MACROD2: variants seen among roughly 807,000 people sequenced by gnomAD.
MACROD2 encodes the protein mono-ADP ribosylhydrolase 2.
A neutral mutation model predicts 70.4 loss-of-function variants in MACROD2; 36 were observed. The ratio of observed to expected loss-of-function variants is 0.51; its 90% confidence interval spans 0.39 to 0.68. The LOEUF (loss-of-function observed/expected upper bound fraction) is 0.68. Among genes scored for constraint, MACROD2 ranks in the 30% least tolerant of loss-of-function variants. MACROD2 has a pLI of 0.00. For missense variants in MACROD2, 496 were observed against 538.4 expected, an observed-to-expected ratio of 0.92 and a Z score of 0.78; for synonymous variants, 172 against 178.8, an observed-to-expected ratio of 0.96 and a Z score of 0.30.
intron 7 of MACROD2, among the ~76,000 whole-genome samples, chr20:15,445,786 A>C (rs1288500958): frequency 1.3e-5 from 2 of 152,126 alleles, no homozygotes; most frequent in Admixed American, 1.3e-4. Context: ...GCTGGGAAAA[A>C]TGAGACCCAG....
chr20:14,021,745 T>C (rs569359103), intron 2 of MACROD2, among the ~76,000 whole-genome samples: 1 of 152,236 alleles, frequency 6.6e-6, no homozygotes, highest in Non-Finnish European at 1.5e-5. Context: ...CAATAAAGTT[T>C]ATTTCTAGTT....
At chr20:14,794,918 G>A (rs1307367913) in intron 5 of MACROD2, among the ~76,000 whole-genome samples, 2 of 152,176 alleles carry the variant, frequency 1.3e-5, no homozygotes, top group African/African-American at 4.8e-5. Context: ...TGTATAAGTA[G>A]CCATGAAAGT....
intron 2 of MACROD2, among the ~76,000 whole-genome samples, chr20:14,009,258 T>C (rs1244631695): frequency 6.6e-6 from 1 of 152,102 alleles, no homozygotes; most frequent in Non-Finnish European, 1.5e-5. Flanking sequence ...AACTTAAATT[T>C]ACAAGAAAAA....
In MACROD2 at chr20:14,729,343, A is replaced by G. The variant is rs562738298; in HGVS notation, c.418+44384A>G. ...ATTGACTAGACTAGATATGTTGACA[A>G]TCCTTTTATCACGCATGAAAAACAC... On this transcript the variant is annotated intron_variant, in intron 5 of 17. Transcript: ENST00000684519. Among the ~76,000 whole-genome samples, 12 of 152,300 alleles carry G rather than the reference A, an allele frequency of 7.9e-5. No individual in the cohort carries two copies. The South Asian group carries it at 2.3e-3, about 29-fold the overall frequency.
At chr20:15,302,374 A>G (rs1228652692) in intron 6 of MACROD2, among the ~76,000 whole-genome samples, 1 of 36,378 alleles carries the variant, frequency 2.7e-5, no homozygotes, top group African/African-American at 1.4e-4. Flanking sequence ...ACACACACAC[A>G]CACACACATA....
At chr20:14,243,544 C>T (rs2081945945) in intron 3 of MACROD2, among the ~76,000 whole-genome samples, 1 of 152,082 alleles carries the variant, frequency 6.6e-6, no homozygotes, top group African/African-American at 2.4e-5. Flanking sequence ...GATACACATT[C>T]TTGTATTGCC....
At chr20:14,914,023 T>C (rs2074060328) in intron 5 of MACROD2, among the ~76,000 whole-genome samples, 1 of 152,154 alleles carries the variant, frequency 6.6e-6, no homozygotes, top group Non-Finnish European at 1.5e-5. Context: ...TCTAAGCAAT[T>C]TGCAGCCTTC....
intron 8 of MACROD2, among the ~76,000 whole-genome samples, chr20:15,601,794 C>T (rs950904079): frequency 3.9e-5 from 6 of 152,162 alleles, no homozygotes; most frequent in South Asian, 4.2e-4. Flanking sequence ...TTTGGGAGGC[C>T]GAGGCGGGTG....
chr20:15,998,378 T>A (rs1365454058), intron 15 of MACROD2, among the ~76,000 whole-genome samples: 1 of 152,210 alleles, frequency 6.6e-6, no homozygotes. Context: ...TCTATTCAGA[T>A]ATTCTGTTTC....
At chr20:14,918,749 A>T (rs1451322146) in intron 5 of MACROD2, among the ~76,000 whole-genome samples, 2 of 151,942 alleles carry the variant, frequency 1.3e-5, no homozygotes, top group African/African-American at 2.4e-5. Context: ...ATTTTCACTG[A>T]AGGTCATACT....
intron 5 of MACROD2, among the ~76,000 whole-genome samples, chr20:15,112,616 TA>T (rs919190176): frequency 6.6e-6 from 1 of 152,132 alleles, no homozygotes; most frequent in Non-Finnish European, 1.5e-5. Flanking sequence ...CCTGTGATCT[TA>T]AAAAAAGTTA....
chr20:15,292,416 T>C (rs1390336391), intron 6 of MACROD2, among the ~76,000 whole-genome samples: 1 of 152,202 alleles, frequency 6.6e-6, no homozygotes, highest in African/African-American at 2.4e-5. Context: ...ATCTTTTTCT[T>C]AGCTTATCAC....
chr20:14,153,257 C>A (rs549464694), intron 3 of MACROD2, among the ~76,000 whole-genome samples: 1 of 152,066 alleles, frequency 6.6e-6, no homozygotes, highest in African/African-American at 2.4e-5. Flanking sequence ...ACAATCTTTT[C>A]GAGTGAGAAA....
In MACROD2 at chr20:14,585,291, G is replaced by T. The variant is rs145980726; in HGVS notation, c.301+91783G>T. Among the ~76,000 whole-genome samples the T allele has an allele frequency of 3.0e-3, 461 of 152,266 alleles. 3 individuals carry two copies. The highest frequency in any genetic ancestry group is 5.2e-3 in the Non-Finnish European group (352 of 68,014). ...TTAGCACATGTGCTTCTTACTGGAGGTGTTAGGATTTATGAAAATTATGGA... is the reference window on the plus strand; with the variant it reads ...TTAGCACATGTGCTTCTTACTGGAGTTGTTAGGATTTATGAAAATTATGGA... On this transcript the variant is annotated intron_variant, in intron 4 of 17. Transcript: ENST00000684519.
At chr20:15,160,914 A>AT (rs563209405) in intron 5 of MACROD2, among the ~76,000 whole-genome samples, 160 of 151,966 alleles carry the variant, frequency 1.1e-3, no homozygotes, top group Middle Eastern at 3.4e-3. Flanking sequence ...TATTTTGATT[A>AT]TTTTTTTTAC....
At chr20:15,864,801 AT>A (rs1011125183) in intron 9 of MACROD2, among the ~76,000 whole-genome samples, 93 of 152,290 alleles carry the variant, frequency 6.1e-4, no homozygotes, top group African/African-American at 2.2e-3. Context: ...TCATGAAATT[AT>A]TTTCAGTCCA....
At chr20:15,575,773 T>C (rs1405231717) in intron 8 of MACROD2, among the ~76,000 whole-genome samples, 3 of 152,270 alleles carry the variant, frequency 2.0e-5, no homozygotes, top group African/African-American at 7.2e-5. Context: ...GGCACATCCA[T>C]GTAACCAGCA....
intron 9 of MACROD2, among the ~76,000 whole-genome samples, chr20:15,884,855 G>T (rs1259150857): frequency 6.6e-6 from 1 of 152,088 alleles, no homozygotes; most frequent in East Asian, 1.9e-4. Flanking sequence ...GGCAGATTCG[G>T]TGTCTGGTGA....
At chr20:15,606,259 A>C (rs2048891523) in intron 8 of MACROD2, among the ~76,000 whole-genome samples, 1 of 151,648 alleles carries the variant, frequency 6.6e-6, no homozygotes, top group Non-Finnish European at 1.5e-5. Context: ...GGATGGCCCC[A>C]CTCTCGACTC....
Sources: gnomAD v4.1 joint callset for allele counts (sites outside exome capture counted in the v4.1 genomes callset) on GRCh38, gnomAD v4.1.1 for gene constraint, MANE v1.5 for transcripts, NCBI Gene and HGNC (gene_info 2026-07-23, HGNC 2026-07-21) for gene names.